The following CHST8 variants were observed in gnomAD, a reference collection of about 807,000 sequenced individuals.
The protein encoded by CHST8 is carbohydrate sulfotransferase 8, also known as GALNAC-4-ST1.
A neutral mutation model predicts 15.0 loss-of-function variants in CHST8; 10 were observed. That is an observed-to-expected ratio of 0.67 (90% CI 0.41 to 1.13). The LOEUF (loss-of-function observed/expected upper bound fraction) is 1.13, where lower values mean the gene tolerates loss of function less well. CHST8 is among the 50% of genes most tolerant of loss of function. CHST8 has a pLI of 0.00. For missense variants in CHST8, 634 were observed against 608.2 expected, an observed-to-expected ratio of 1.04 and a Z score of -0.45; for synonymous variants, 259 against 256.6, an observed-to-expected ratio of 1.01 and a Z score of -0.09.
chr19:33,770,633 T>C (rs1974959456), intron 3 of CHST8, among the ~76,000 whole-genome samples: 1 of 152,214 alleles, frequency 6.6e-6, no homozygotes, highest in Non-Finnish European at 1.5e-5. Flanking sequence ...AGCCCAGGCA[T>C]GGGCCTCCTT....
intron 3 of CHST8, among the ~76,000 whole-genome samples, chr19:33,742,289 C>A (rs1298430948): frequency 6.6e-6 from 1 of 152,146 alleles, no homozygotes; most frequent in Non-Finnish European, 1.5e-5. Context: ...AAAGGAATAC[C>A]TGAGACTGGG....
intron 2 of CHST8, among the ~76,000 whole-genome samples, chr19:33,688,439 C>T (rs1414053488): frequency 6.6e-6 from 1 of 152,202 alleles, no homozygotes; most frequent in African/African-American, 2.4e-5. Context: ...CGCCTCTGAG[C>T]TTGGAGTCTG....
chr19:33,708,386 C>A (rs1973485521), intron 3 of CHST8, among the ~76,000 whole-genome samples: 1 of 152,142 alleles, frequency 6.6e-6, no homozygotes, highest in African/African-American at 2.4e-5. Flanking sequence ...TGTCTGCGGT[C>A]CATTTTGAGC....
At chr19:33,713,621 A>G (rs904364749) in intron 3 of CHST8, among the ~76,000 whole-genome samples, 2 of 151,964 alleles carry the variant, frequency 1.3e-5, no homozygotes, top group African/African-American at 4.8e-5. Context: ...GCTGGAGTGC[A>G]GTGACACCAT....
At chr19:33,657,838 T>C (rs903225648) in intron 1 of CHST8, among the ~76,000 whole-genome samples, 1 of 152,116 alleles carries the variant, frequency 6.6e-6, no homozygotes, top group African/African-American at 2.4e-5. Context: ...CCCAAAGCAC[T>C]GGGATTACAG....
At chr19:33,628,009 C>T (rs1241866268) in intron 1 of CHST8, among the ~76,000 whole-genome samples, 1 of 152,096 alleles carries the variant, frequency 6.6e-6, no homozygotes, top group African/African-American at 2.4e-5. Flanking sequence ...GAAATAAACA[C>T]TCAGGTACTA....
At chr19:33,628,219 G>A (rs1217581647) in intron 1 of CHST8, among the ~76,000 whole-genome samples, 1 of 152,184 alleles carries the variant, frequency 6.6e-6, no homozygotes, top group Non-Finnish European at 1.5e-5. Flanking sequence ...TTCCTGTGGA[G>A]GGAATGTGTG....
chr19:33,657,026 C>T (rs1328562122), intron 1 of CHST8, among the ~76,000 whole-genome samples: 1 of 151,964 alleles, frequency 6.6e-6, no homozygotes, highest in Non-Finnish European at 1.5e-5. Context: ...TTTCAGGTCT[C>T]ATTGCTTGGT....
intron 3 of CHST8, among the ~76,000 whole-genome samples, chr19:33,735,158 G>A (rs1056548288): frequency 1.3e-5 from 2 of 152,220 alleles, no homozygotes; most frequent in Admixed American, 6.5e-5. Context: ...GGGGAGAGAT[G>A]GAAGAGAGGG....
chr19:33,769,679 ACTC>A (rs1568364486), intron 3 of CHST8, among the ~76,000 whole-genome samples: 1 of 150,440 alleles, frequency 6.6e-6, no homozygotes, highest in African/African-American at 2.5e-5. Context: ...GATTCTAAAG[ACTC>A]CTCTCTCAGG....
At chr19:33,633,955 C>T (rs111996068) in intron 1 of CHST8, among the ~76,000 whole-genome samples, 43 of 152,140 alleles carry the variant, frequency 2.8e-4, no homozygotes, top group African/African-American at 9.6e-4. Context: ...TGCACCACCA[C>T]CACTCCCAGC....
At chr19:33,705,900 G>A (rs1423963876) in intron 3 of CHST8, among the ~76,000 whole-genome samples, 1 of 152,186 alleles carries the variant, frequency 6.6e-6, no homozygotes, top group Non-Finnish European at 1.5e-5. Context: ...CCAGGGGTGT[G>A]GTATGGGCAA....
chr19:33,643,168 A>G (rs1013886412), intron 1 of CHST8, among the ~76,000 whole-genome samples: 69 of 152,094 alleles, frequency 4.5e-4, no homozygotes, highest in African/African-American at 1.6e-3. Context: ...CCAACAAATC[A>G]CCTTCCAGAA....
chr19:33,717,655 T>C (rs187843620), intron 3 of CHST8, among the ~76,000 whole-genome samples: 18 of 152,218 alleles, frequency 1.2e-4, no homozygotes, highest in Admixed American at 4.6e-4. Flanking sequence ...ATGGGTGGTC[T>C]CGGAACTGTC....
chr19:33,741,241 G>A (rs964905760), intron 3 of CHST8, among the ~76,000 whole-genome samples: 1 of 152,214 alleles, frequency 6.6e-6, no homozygotes, highest in African/African-American at 2.4e-5. Context: ...CCCTGACCAA[G>A]GACTGGCCTC....
intron 3 of CHST8, among the ~76,000 whole-genome samples, chr19:33,758,977 G>A (rs1436740082): frequency 6.6e-6 from 1 of 152,108 alleles, no homozygotes; most frequent in Admixed American, 6.5e-5. Context: ...AAGCGGGAGT[G>A]TGCGTGTCAC....
intron 3 of CHST8, among the ~76,000 whole-genome samples, chr19:33,734,356 T>A (rs1438491041): frequency 6.6e-6 from 1 of 152,210 alleles, no homozygotes; most frequent in Admixed American, 6.5e-5. Context: ...CAATGAAGAA[T>A]GGAATAGCCA....
intron 1 of CHST8, among the ~76,000 whole-genome samples, chr19:33,656,357 C>G (rs923904130): frequency 1.3e-5 from 2 of 152,112 alleles, no homozygotes; most frequent in Non-Finnish European, 2.9e-5. Flanking sequence ...TTATAAGAAG[C>G]ATTCTGGTTT....
intron 2 of CHST8, among the ~76,000 whole-genome samples, chr19:33,674,519 G>A (rs1007475590): frequency 4.6e-5 from 7 of 152,186 alleles, no homozygotes; most frequent in Non-Finnish European, 7.4e-5. Flanking sequence ...TCAGCCCCAC[G>A]TTTGACTTTA....
Sources: allele counts gnomAD v4.1 joint callset (sites outside exome capture counted in the v4.1 genomes callset), GRCh38; gene constraint gnomAD v4.1.1; transcripts MANE v1.5; gene names NCBI Gene and HGNC (gene_info 2026-07-23, HGNC 2026-07-21).